Variants in C8orf34 observed in about 807,000 individuals in gnomAD.
C8orf34 encodes uncharacterized protein C8orf34.
A neutral mutation model predicts 68.3 loss-of-function variants in C8orf34; 65 were observed. The ratio of observed to expected loss-of-function variants is 0.95; its 90% CI spans 0.78 to 1.17. The LOEUF (loss-of-function observed/expected upper bound fraction) is 1.17, where lower values mean the gene tolerates loss of function less well. C8orf34 is among the 50% of genes most tolerant of loss of function. The probability of loss-of-function intolerance (pLI) is 0.00; values close to 1 mark genes in which losing one functional copy is unlikely to be tolerated. For synonymous variants in C8orf34, 244 were observed against 241.2 expected, an observed-to-expected ratio of 1.01 and a Z score of -0.11; for missense variants, 664 against 655.4, an observed-to-expected ratio of 1.01 and a Z score of -0.14.
intron 6 of C8orf34, among the ~76,000 whole-genome samples, chr8:68,532,399 A>G (rs980824385): frequency 3.3e-5 from 5 of 152,176 alleles, no homozygotes; most frequent in African/African-American, 7.2e-5. Flanking sequence ...ATGTGGTACA[A>G]TATACATATA....
At position 68,546,985 on chromosome 8, in the gene C8orf34, A is replaced by G. The variant is rs191802878; in HGVS notation, c.1105+13836A>G. 4.6e-5 allele frequency among the ~76,000 whole-genome samples: 7 copies of G among 151,914 alleles called. No individual in the cohort carries two copies. The South Asian group carries it at 6.2e-4, about 13-fold the overall frequency. Reference sequence around the variant, plus strand: ...ACAAGAAAGTTTTAAAATTATTGATATAAGTTCCTATCTTAAAAAGCTAGA... The same window carrying G: ...ACAAGAAAGTTTTAAAATTATTGATGTAAGTTCCTATCTTAAAAAGCTAGA... On this transcript the variant is annotated intron_variant, in intron 7 of 13. Transcript: ENST00000518698.
intron 10 of C8orf34, among the ~76,000 whole-genome samples, chr8:68,747,025 G>C (rs1440485524): frequency 6.7e-6 from 1 of 149,494 alleles, no homozygotes; most frequent in Non-Finnish European, 1.5e-5. Flanking sequence ...ACATCAAAAA[G>C]CTTATCCACC....
At chr8:68,733,400 C>A (rs914278112) in intron 10 of C8orf34, among the ~76,000 whole-genome samples, 15 of 152,244 alleles carry the variant, frequency 9.9e-5, no homozygotes, top group Admixed American at 2.6e-4. Context: ...CGATTCTCAT[C>A]TAGGCAATGG....
intron 7 of C8orf34, among the ~76,000 whole-genome samples, chr8:68,539,410 A>T (rs1259247240): frequency 1.3e-5 from 2 of 152,246 alleles, no homozygotes; most frequent in African/African-American, 4.8e-5. Flanking sequence ...GCATTTTAAC[A>T]TCAAAACCAA....
chr8:68,736,488 T>G (rs1372667032), intron 10 of C8orf34, among the ~76,000 whole-genome samples: 1 of 152,148 alleles, frequency 6.6e-6, no homozygotes, highest in East Asian at 1.9e-4. Flanking sequence ...TTGCAAAATC[T>G]TCAATCAAAT....
intron 5 of C8orf34, among the ~76,000 whole-genome samples, chr8:68,510,562 G>C (rs1332855503): frequency 6.6e-6 from 1 of 152,174 alleles, no homozygotes; most frequent in Non-Finnish European, 1.5e-5. Flanking sequence ...CAACTAGTGA[G>C]TTTAGAATTT....
At chr8:68,718,140 C>T (rs922772017) in intron 9 of C8orf34, among the ~76,000 whole-genome samples, 1 of 152,290 alleles carries the variant, frequency 6.6e-6, no homozygotes. Context: ...TTCTTTCTCT[C>T]ATTTCCAAAT....
chr8:68,534,064 A>G, intron 7 of C8orf34: 2 of 983,788 alleles, frequency 2.0e-6, no homozygotes, highest in Non-Finnish European at 2.4e-6. Flanking sequence ...TTTGTTAAAA[A>G]TGAGATTCCT....
intron 8 of C8orf34, among the ~76,000 whole-genome samples, chr8:68,672,442 G>C (rs903638774): frequency 6.6e-6 from 1 of 152,188 alleles, no homozygotes; most frequent in Non-Finnish European, 1.5e-5. Context: ...CACAAAGAGA[G>C]AATCTGTGGG....
Position 68,808,303 on chromosome 8 carries a change from T to A in C8orf34, c.1550-7583T>A, listed in dbSNP as rs569153154. On this transcript the variant is annotated intron_variant, in intron 12 of 13. Coordinates refer to ENST00000518698, the MANE Select transcript of C8orf34 (RefSeq NM_052958.4). ...TTACACTCTAATATAGTTCAATAAA[T>A]TTGGGCAGAACCATTAAATATTCAG... Among the ~76,000 whole-genome samples, 187 of 152,322 alleles carry A rather than the reference T, an allele frequency of 1.2e-3. 1 individual carries two copies. Among genetic ancestry groups the A allele is most frequent in the African/African-American group, 4.4e-3 (181 of 41,586 alleles).
chr8:68,608,141 T>C (rs548407469), intron 7 of C8orf34, among the ~76,000 whole-genome samples: 1 of 152,142 alleles, frequency 6.6e-6, no homozygotes, highest in Admixed American at 6.6e-5. Flanking sequence ...CAATAAAACT[T>C]GGACTCTGTC....
At chr8:68,541,431 A>G (rs1452098666) in intron 7 of C8orf34, among the ~76,000 whole-genome samples, 1 of 151,942 alleles carries the variant, frequency 6.6e-6, no homozygotes, top group Non-Finnish European at 1.5e-5. Flanking sequence ...GCACCGCTGC[A>G]CTCCAGCCTG....
At chr8:68,578,084 TAAAG>T (rs1816959645) in intron 7 of C8orf34, among the ~76,000 whole-genome samples, 1 of 150,688 alleles carries the variant, frequency 6.6e-6, no homozygotes, top group African/African-American at 2.4e-5. Flanking sequence ...GGTAAAAAAA[TAAAG>T]GAAGGAAGAA....
In C8orf34 at chr8:68,573,497, T is replaced by C. The variant is rs114671319; in HGVS notation, c.1105+40348T>C. 8.2e-3 allele frequency among the ~76,000 whole-genome samples: 1,249 copies of C among 152,300 alleles called. 21 individuals carry two copies. Among genetic ancestry groups the C allele is most frequent in the African/African-American group, 0.028 (1,177 of 41,580 alleles). Reference sequence around the variant, plus strand: ...AGATCAGCAGAGTTGTCCCAATGGATCTGCAGATGCATGAGAGAGATTTAT... The same window carrying C: ...AGATCAGCAGAGTTGTCCCAATGGACCTGCAGATGCATGAGAGAGATTTAT... On this transcript the variant is annotated intron_variant, in intron 7 of 13. Transcript: ENST00000518698.
In C8orf34 at chr8:68,359,257, A is replaced by G. The variant is rs559574113; in HGVS notation, c.327+27918A>G. On this transcript the variant is annotated intron_variant, in intron 1 of 13. Transcript: ENST00000518698. ...TATGTTAGCAAGCTATTTTTTATGT[A>G]ACGTACTGTATAATGAGCTATTTAT... 1.2e-3 allele frequency among the ~76,000 whole-genome samples: 187 copies of G among 152,260 alleles called. 1 individual carries two copies. Among genetic ancestry groups the G allele is most frequent in the African/African-American group, 4.2e-3 (173 of 41,540 alleles).
chr8:68,745,879 G>A (rs1371450465), intron 10 of C8orf34, among the ~76,000 whole-genome samples: 2 of 152,168 alleles, frequency 1.3e-5, no homozygotes, highest in African/African-American at 2.4e-5. Flanking sequence ...TCTGCACCAA[G>A]TGGACCTAAT....
intron 1 of C8orf34, among the ~76,000 whole-genome samples, chr8:68,425,858 T>A (rs1810189513): frequency 6.6e-6 from 1 of 152,014 alleles, no homozygotes; most frequent in Non-Finnish European, 1.5e-5. Flanking sequence ...CAAAACATAA[T>A]AGATATACAT....
Position 68,471,928 on chromosome 8 carries a change from ACACACAC to A in C8orf34, c.736+3109_736+3115del, listed in dbSNP as rs1202397999. Among the ~76,000 whole-genome samples, 3 of 9,744 alleles carry A rather than the reference ACACACAC, an allele frequency of 3.1e-4. 1 individual carries two copies. Among genetic ancestry groups the A allele is most frequent in the African/African-American group, 4.8e-4 (3 of 6,250 alleles). The allele number at this position is 9,744 out of a possible 152,430, so 6.4% of individuals were successfully genotyped here. On this transcript the variant is annotated intron_variant, in intron 4 of 13. Transcript: ENST00000518698. ...CCAGCTTTTAGAGACTTAAATGAACACACACACACACACACACACACACACACACACA... is the reference window on the plus strand; with the variant it reads ...CCAGCTTTTAGAGACTTAAATGAACAACACACACACACACACACACACACA...
chr8:68,568,872 C>T (rs1816680628), intron 7 of C8orf34, among the ~76,000 whole-genome samples: 1 of 151,986 alleles, frequency 6.6e-6, no homozygotes, highest in Non-Finnish European at 1.5e-5. Flanking sequence ...CTTTGTGGGC[C>T]ATACCGTCTC....
Sources: gnomAD v4.1 joint callset for allele counts (sites outside exome capture counted in the v4.1 genomes callset) on GRCh38, gnomAD v4.1.1 for gene constraint, MANE v1.5 for transcripts, NCBI Gene and HGNC (gene_info 2026-07-23, HGNC 2026-07-21) for gene names.